The following DTD2 variants were observed in gnomAD, a reference collection of about 807,000 sequenced individuals.
The protein encoded by DTD2 is D-tyrosyl-tRNA deacylase 2 (putative).
Under a neutral mutation model 15.5 loss-of-function variants are expected in DTD2, and 12 were observed. That is an observed-to-expected ratio of 0.77 (90% confidence interval 0.50 to 1.25). The LOEUF is 1.25. DTD2 is among the 50% of genes most tolerant of loss of function. DTD2 has a pLI of 0.00. For missense variants in DTD2, 170 were observed against 201.1 expected (o/e 0.85, Z 0.93); for synonymous variants, 59 against 77.3 (o/e 0.76, Z 1.24).
chr14:31,457,471 G>T lies in DTD2; in HGVS notation c.-78C>A. 8.8e-7 allele frequency: 1 copy of T among 1,133,510 alleles called. No homozygotes were observed. 70.2% of individuals were successfully genotyped at this position (1,133,510 alleles called of 1,614,324 possible). A position where few individuals can be genotyped will look rare whatever the true frequency, so the allele number is the denominator to read the frequency against. On this transcript the variant is annotated 5_prime_UTR_variant, in exon 1 of 3. In the 5' UTR this introduces an upstream ATG that the reference lacks. Coordinates refer to ENST00000310850, the MANE Select transcript of DTD2 (RefSeq NM_080664.3). ...CCTCCCTCGACGCGCTGGCGGGGCA[G>T]ACGAGGCGGGGCACGACGAAGGGCC...
At chr14:31,451,551 T>C (rs2032035593) in intron 2 of DTD2, among the ~76,000 whole-genome samples, 1 of 152,170 alleles carries the variant, frequency 6.6e-6, no homozygotes. Flanking sequence ...TTTCAAACTA[T>C]TGCAGTTACT....
chr14:31,450,204 G>C (rs1331301389), intron 2 of DTD2, among the ~76,000 whole-genome samples: 2 of 152,130 alleles, frequency 1.3e-5, no homozygotes, highest in African/African-American at 4.8e-5. Flanking sequence ...CCCTCTACTG[G>C]CTATAATTGA....
chr14:31,452,599 C>T (rs1377043183), intron 2 of DTD2: 1 of 152,032 alleles, frequency 6.6e-6, no homozygotes, highest in Non-Finnish European at 1.5e-5. Context: ...TTAGGATGGG[C>T]AGGGATTGGT....
chr14:31,454,374 C>A (rs912014447), intron 1 of DTD2, among the ~76,000 whole-genome samples: 1 of 152,112 alleles, frequency 6.6e-6, no homozygotes, highest in African/African-American at 2.4e-5. Flanking sequence ...TATGCGTTAT[C>A]CAAAGAATTT....
chr14:31,454,468 C>T (rs904852747), intron 1 of DTD2, among the ~76,000 whole-genome samples: 9 of 152,214 alleles, frequency 5.9e-5, no homozygotes, highest in Non-Finnish European at 1.0e-4. Flanking sequence ...AATCGTGCTA[C>T]TGAAACAATA....
At chr14:31,456,069 C>T (rs2032091846) in intron 1 of DTD2, among the ~76,000 whole-genome samples, 1 of 152,116 alleles carries the variant, frequency 6.6e-6, no homozygotes. Context: ...AGAATAATCA[C>T]CCACACATCA....
At position 31,448,761 on chromosome 14, in the gene DTD2, T is replaced by C. The variant is rs538251668; in HGVS notation, c.182-307A>G. ...AACTGTACACTGGAACCTCAAATAT[T>C]GTTCCCCTGGGGGAATACATGAGAA... On this transcript the variant is annotated intron_variant, in intron 2 of 2. Coordinates refer to ENST00000310850, the MANE Select transcript of DTD2 (RefSeq NM_080664.3). Among the ~76,000 whole-genome samples, 169 of 152,358 alleles carry C rather than the reference T, an allele frequency of 1.1e-3. 1 individual carries two copies. The highest frequency in any genetic ancestry group is 3.9e-3 in the African/African-American group (161 of 41,586).
rs1446296189 is a variant in DTD2, at chr14:31,453,326, TCAC to T, written c.127_129del (p.Val43del). On this transcript the variant is annotated inframe_deletion, in exon 2 of 3. Transcript: ENST00000310850. ...GCTCCCTTGAAAAAGCACACGTAGATCACCAGTCCTCTTTGGACCTATGAGAAA... is the reference window on the plus strand; with the variant it reads ...GCTCCCTTGAAAAAGCACACGTAGATCAGTCCTCTTTGGACCTATGAGAAA... The T allele has an allele frequency of 5.0e-6, 8 of 1,613,920 alleles. No individual in the cohort carries two copies. Among genetic ancestry groups the T allele is most frequent in the Non-Finnish European group, 5.9e-6 (7 of 1,180,002 alleles).
At chr14:31,455,475 C>G (rs1156592328) in intron 1 of DTD2, among the ~76,000 whole-genome samples, 1 of 131,082 alleles carries the variant, frequency 7.6e-6, no homozygotes, top group Non-Finnish European at 1.6e-5. Flanking sequence ...GGCGTGAACC[C>G]GGGAGGCGGA....
intron 1 of DTD2, chr14:31,456,932 C>A (rs902559140): frequency 1.0e-4 from 28 of 266,920 alleles, no homozygotes; most frequent in Non-Finnish European, 1.7e-4. Flanking sequence ...TTGCAGCAAA[C>A]CTGACCTACA....
At chr14:31,451,380 C>T (rs950705313) in intron 2 of DTD2, among the ~76,000 whole-genome samples, 1 of 151,992 alleles carries the variant, frequency 6.6e-6, no homozygotes, top group East Asian at 1.9e-4. Flanking sequence ...GATCTCCTGA[C>T]CTCGTGATCT....
At chr14:31,456,867 C>T (rs1055697223) in intron 1 of DTD2, among the ~76,000 whole-genome samples, 1 of 152,052 alleles carries the variant, frequency 6.6e-6, no homozygotes, top group Non-Finnish European at 1.5e-5. Context: ...ACCAAGTCAA[C>T]ATAGGGGGGA....
At chr14:31,450,547 G>A (rs1485078211) in intron 2 of DTD2, among the ~76,000 whole-genome samples, 1 of 152,154 alleles carries the variant, frequency 6.6e-6, no homozygotes, top group Non-Finnish European at 1.5e-5. Context: ...CTGAATCTAT[G>A]TAATAAATAT....
At chr14:31,454,223 T>A (rs1432735675) in intron 1 of DTD2, among the ~76,000 whole-genome samples, 1 of 152,186 alleles carries the variant, frequency 6.6e-6, no homozygotes. Context: ...ATTAAATGAG[T>A]ATGTAAAAAT....
intron 2 of DTD2, among the ~76,000 whole-genome samples, chr14:31,450,522 T>C (rs7157390): frequency 0.49 from 74,297 of 151,970 alleles, 18,146 homozygotes; most frequent in East Asian, 0.6. Context: ...TGATATATGC[T>C]TTGATTGGAA....
chr14:31,454,871 G>T (rs1000332163), intron 1 of DTD2, among the ~76,000 whole-genome samples: 2 of 152,176 alleles, frequency 1.3e-5, no homozygotes, highest in African/African-American at 4.8e-5. Context: ...TGACAGCAAA[G>T]TTCTAAATGA....
At chr14:31,456,364 C>T (rs977108648) in intron 1 of DTD2, among the ~76,000 whole-genome samples, 3 of 151,232 alleles carry the variant, frequency 2.0e-5, no homozygotes, top group Non-Finnish European at 4.4e-5. Context: ...CCAGCCTGGG[C>T]GACAGATCGA....
At position 31,452,938 on chromosome 14, in the gene DTD2, C is replaced by CTT. The variant is rs552520429; in HGVS notation, c.181+335_181+336dup. On this transcript the variant is annotated intron_variant, in intron 2 of 2. Coordinates refer to ENST00000310850, the MANE Select transcript of DTD2 (RefSeq NM_080664.3). ...GTCTATTACTATTCTTTCTCACTCTCTTTTTTTTTTTTTTTTTGAGACAGG... is the reference window on the plus strand; with the variant it reads ...GTCTATTACTATTCTTTCTCACTCTCTTTTTTTTTTTTTTTTTTTGAGACAGG... 2.7e-3 allele frequency: 386 copies of CTT among 142,508 alleles called. 3 individuals are homozygous for CTT. Among genetic ancestry groups the CTT allele is most frequent in the African/African-American group, 7.9e-3 (298 of 37,860 alleles). 8.8% of individuals were successfully genotyped at this position (142,508 alleles called of 1,614,324 possible).
At position 31,447,911 on chromosome 14, in the gene DTD2, G is replaced by A; in HGVS notation, c.*218C>T. 2.0e-6 allele frequency: 1 copy of A among 504,736 alleles called. No homozygotes were observed. The allele number at this position is 504,736 out of a possible 1,614,324, so 31.3% of individuals were successfully genotyped here. A position where few individuals can be genotyped will look rare whatever the true frequency, so the allele number is the denominator to read the frequency against. ...GCATATTTCAAATTTTCAAGTAGAA[G>A]GGTAGAGGAATGTAGGACAAAAGGT... On this transcript the variant is annotated 3_prime_UTR_variant, in exon 3 of 3. Coordinates refer to ENST00000310850, the MANE Select transcript of DTD2 (RefSeq NM_080664.3).
Sources: allele counts gnomAD v4.1 joint callset (sites outside exome capture counted in the v4.1 genomes callset), GRCh38; gene constraint gnomAD v4.1.1; transcripts MANE v1.5; gene names NCBI Gene and HGNC (gene_info 2026-07-23, HGNC 2026-07-21).